CEP164: variants seen among roughly 807,000 people sequenced by gnomAD.
CEP164 encodes centrosomal protein 164, also known as centrosomal protein of 164 kDa.
A neutral mutation model predicts 182.7 loss-of-function variants in CEP164; 162 were observed. The ratio of observed to expected loss-of-function variants is 0.89; its 90% CI spans 0.78 to 1.01. The LOEUF (loss-of-function observed/expected upper bound fraction) is 1.01. Ranked by LOEUF, CEP164 falls within the 50% of genes least tolerant of loss-of-function variation. The pLI, the probability that CEP164 is intolerant of heterozygous loss-of-function variation, is 0.00. For missense variants in CEP164, 1,735 were observed against 1,790.4 expected, an observed-to-expected ratio of 0.97 and a Z score of 0.56; for synonymous variants, 661 against 690.0, an observed-to-expected ratio of 0.96 and a Z score of 0.66.
In CEP164 at chr11:117,408,684, A is replaced by G. The variant is rs546572969; in HGVS notation, c.3610-206A>G. 2.3e-4 allele frequency: 145 copies of G among 642,958 alleles called. No individual in the cohort carries two copies. The South Asian group carries it at 2.6e-3, about 12-fold the overall frequency. 39.8% of individuals were successfully genotyped at this position (642,958 alleles called of 1,614,324 possible). ...ACACATCACAAGGGCGACAGCCTAC[A>G]TACCACCTTGAATTTGTAGCAACAA... On this transcript the variant is annotated intron_variant, in intron 28 of 32. Transcript: ENST00000278935.
chr11:117,332,491 G>A (rs1337243129), intron 1 of CEP164, among the ~76,000 whole-genome samples: 1 of 152,084 alleles, frequency 6.6e-6, no homozygotes, highest in Non-Finnish European at 1.5e-5. Context: ...CAGGAGAATC[G>A]CTTGAACCCA....
Position 117,375,714 on chromosome 11 carries a change from G to C in CEP164, c.1240G>C (p.Gly414Arg). Residue 414 changes from glycine (G) to arginine (R), a missense_variant, in exon 11 of 33, where the codon GGT becomes CGT. By Grantham distance (125) the Gly-to-Arg change is moderately radical (BLOSUM62 -2). Transcript: ENST00000278935. ...GCATCTCCACTGTCTCCAGGACTTC[G>C]GTTTTCGCAGCCGGATCTCGGAGCA... ...DPKSFHGLDF[G>R]FRSRISEHLL... 3.7e-6 allele frequency: 6 copies of C among 1,614,096 alleles called. No individual in the cohort carries two copies. In the South Asian group the frequency reaches 6.6e-5, roughly 18 times the overall value.
In CEP164 at chr11:117,371,274, A is replaced by T; in HGVS notation, c.960A>T (p.Glu320Asp). The T allele has an allele frequency of 6.2e-7, 1 of 1,614,208 alleles. No individual in the cohort carries two copies. Among genetic ancestry groups the T allele is most frequent in the African/African-American group, 1.3e-5 (1 of 75,058 alleles). Residue 320 changes from glutamate (E) to aspartate (D), a missense_variant, in exon 9 of 33, where the codon GAA becomes GAT. Glu to Asp is a conservative substitution (Grantham distance 45). Coordinates refer to ENST00000278935, the MANE Select transcript of CEP164 (RefSeq NM_014956.5). ...AAAAAGAGGAAAATGAGAAGAGTGA[A>T]CCTAAGATTTGCAGGAATCTGGTGA... Reference protein sequence around the residue: ...LPEKEENEKSEPKICRNLVTP... With the variant: ...LPEKEENEKSDPKICRNLVTP...
intron 4 of CEP164, among the ~76,000 whole-genome samples, chr11:117,350,275 C>T (rs1227154114): frequency 6.6e-6 from 1 of 151,898 alleles, no homozygotes; most frequent in East Asian, 1.9e-4. Flanking sequence ...TGATCATAGC[C>T]CACTGTAGCC....
chr11:117,375,568 G>T, intron 10 of CEP164, 140 bp from the exon 11 acceptor site: 1 of 665,250 alleles, frequency 1.5e-6, no homozygotes. Flanking sequence ...GATGAAATTA[G>T]TAGATGTTGA....
chr11:117,387,122 G>A (rs2044053190), intron 14 of CEP164, 81 bp from the exon 15 acceptor site: 12 of 1,255,652 alleles, frequency 9.6e-6, no homozygotes, highest in African/African-American at 4.4e-5. Context: ...CATCTGTGAT[G>A]TTCCGTATCC....
chr11:117,405,362 T>G (rs909837536), intron 27 of CEP164, among the ~76,000 whole-genome samples: 2 of 152,044 alleles, frequency 1.3e-5, no homozygotes, highest in South Asian at 4.1e-4. Context: ...GAATGCACTG[T>G]CCCCCAAGTC....
chr11:117,411,336 T>G lies in CEP164; in HGVS notation c.4163+442T>G. 4.1e-6 allele frequency: 1 copy of G among 243,744 alleles called. No homozygotes were observed. The highest frequency in any genetic ancestry group is 5.0e-5 in the Admixed American group (1 of 20,138). The allele number at this position is 243,744 out of a possible 1,614,324, so 15.1% of individuals were successfully genotyped here. On this transcript the variant is annotated intron_variant, in intron 31 of 32. Transcript: ENST00000278935. This position sits in a 1 kb window ranked among gnomAD's most constrained non-coding sequence, Gnocchi z 4.4. ...CATCTGGAGTGAGAGGGACACCCTG[T>G]GGAGGAGACAGACGGGCAATTATTT...
chr11:117,344,144 C>T, intron 3 of CEP164, 22 bp from the exon 4 acceptor site: 1 of 1,457,714 alleles, frequency 6.9e-7, no homozygotes, highest in Non-Finnish European at 9.5e-7. Context: ...TCTTACTTTC[C>T]CACCTCTGCC....
intron 5 of CEP164, among the ~76,000 whole-genome samples, chr11:117,358,580 G>A (rs2040577533): frequency 7.3e-6 from 1 of 137,018 alleles, no homozygotes; most frequent in Non-Finnish European, 1.5e-5. Context: ...GTTTTGCTCT[G>A]TTGTCCATGC....
chr11:117,355,315 G>A (rs2135523479), intron 5 of CEP164: 1 of 1,289,842 alleles, frequency 7.8e-7, no homozygotes, highest in Non-Finnish European at 1.0e-6. Flanking sequence ...CAGAAGAGCT[G>A]GAAATGAGAA....
chr11:117,404,638 C>T lies in CEP164; in HGVS notation c.3502-3287C>T, dbSNP rs189827029. ...GTCAGGAGGCATGGGGGTCAAGGAC[C>T]CACTTGAGGAGGCAGTCTGTCTCTT... On this transcript the variant is annotated intron_variant, in intron 27 of 32. Coordinates refer to ENST00000278935, the MANE Select transcript of CEP164 (RefSeq NM_014956.5). Among the ~76,000 whole-genome samples, 181 of 152,328 alleles carry T rather than the reference C, an allele frequency of 1.2e-3. 1 individual carries two copies. Among genetic ancestry groups the T allele is most frequent in the African/African-American group, 3.9e-3 (163 of 41,580 alleles).
chr11:117,375,725 C>T lies in CEP164; in HGVS notation c.1251C>T (p.Ser417=). 8 of 1,614,124 alleles carry T rather than the reference C, an allele frequency of 5.0e-6. No individual in the cohort carries two copies. The highest frequency in any genetic ancestry group is 6.8e-6 in the Non-Finnish European group (8 of 1,180,014). ...SFHGLDFGFR[S]RISEHLLDVD... ...GTCTCCAGGACTTCGGTTTTCGCAGCCGGATCTCGGAGCACCTGCTGGATG... is the reference window on the plus strand; with the variant it reads ...GTCTCCAGGACTTCGGTTTTCGCAGTCGGATCTCGGAGCACCTGCTGGATG... Residue 417 remains serine (S), a synonymous_variant, in exon 11 of 33, where the codon AGC becomes AGT. Transcript: ENST00000278935.
chr11:117,352,207 C>A (rs1458553491), intron 5 of CEP164, among the ~76,000 whole-genome samples: 2 of 152,098 alleles, frequency 1.3e-5, no homozygotes, highest in African/African-American at 2.4e-5. Flanking sequence ...TTTCCTTTCT[C>A]CCCACTTGGG....
intron 8 of CEP164, among the ~76,000 whole-genome samples, 166 bp from the exon 9 acceptor site, chr11:117,370,914 A>G (rs1346151238): frequency 2.0e-5 from 3 of 152,264 alleles, no homozygotes. Flanking sequence ...CTGTCTCAAA[A>G]AAATAAAAAA....
intron 1 of CEP164, among the ~76,000 whole-genome samples, chr11:117,332,412 T>A (rs2036370343): frequency 1.3e-5 from 2 of 151,844 alleles, no homozygotes; most frequent in Non-Finnish European, 2.9e-5. Context: ...GCATCTCCAC[T>A]AAAAAAATAC....
chr11:117,336,373 C>T, intron 2 of CEP164: 1 of 1,413,390 alleles, frequency 7.1e-7, no homozygotes. Flanking sequence ...AGGAGGGATT[C>T]CAGGGGCAGG....
intron 5 of CEP164, among the ~76,000 whole-genome samples, chr11:117,358,971 G>T (rs1302753369): frequency 6.6e-6 from 1 of 150,894 alleles, no homozygotes; most frequent in African/African-American, 2.4e-5. Context: ...TTGAGACAGG[G>T]TCTCACTCTG....
At chr11:117,328,263 GT>G (rs1190538125) in intron 1 of CEP164, 1 of 152,346 alleles carries the variant, frequency 6.6e-6, no homozygotes, top group African/African-American at 2.4e-5. Flanking sequence ...CGGGGCCCTG[GT>G]TTGCTTGCTC....
Sources: allele counts gnomAD v4.1 joint callset (sites outside exome capture counted in the v4.1 genomes callset), GRCh38; gene constraint gnomAD v4.1.1; non-coding constraint Gnocchi (gnomAD v3.1); transcripts MANE v1.5; gene names NCBI Gene and HGNC (gene_info 2026-07-23, HGNC 2026-07-21).